The following NKIRAS1 variants were observed in gnomAD, a reference collection of about 807,000 sequenced individuals.
The protein encoded by NKIRAS1 is NFKB inhibitor interacting Ras like 1.
In NKIRAS1, 16 loss-of-function variants were observed where a neutral mutation model predicts 19.8. The ratio of observed to expected loss-of-function variants is 0.81; its 90% confidence interval spans 0.55 to 1.23. The LOEUF is 1.23. Among genes scored for constraint, NKIRAS1 ranks in the 50% most tolerant of loss-of-function variants. The pLI, the probability that NKIRAS1 is intolerant of heterozygous loss-of-function variation, is 0.00. For synonymous variants in NKIRAS1, 88 were observed against 79.0 expected (o/e 1.11, Z -0.61); for missense variants, 184 against 220.0 (o/e 0.84, Z 1.04).
At chr3:23,907,439 G>A (rs1703186742) in intron 3 of NKIRAS1, among the ~76,000 whole-genome samples, 1 of 152,196 alleles carries the variant, frequency 6.6e-6, no homozygotes. Context: ...CAATTGTACT[G>A]TATTTATATA....
intron 1 of NKIRAS1, among the ~76,000 whole-genome samples, chr3:23,928,361 T>G (rs1705246390): frequency 6.6e-6 from 1 of 151,912 alleles, no homozygotes; most frequent in African/African-American, 2.4e-5. Context: ...CCATTAGTGC[T>G]TAGTAACTCT....
chr3:23,918,595 C>T (rs1220185825), upstream of NKIRAS1: 7 of 1,611,454 alleles, frequency 4.3e-6, no homozygotes, highest in Non-Finnish European at 5.9e-6. Context: ...TTTTGAGTAG[C>T]AGTTATATTG....
chr3:23,920,719 A>G, upstream of NKIRAS1: 1 of 982,400 alleles, frequency 1.0e-6, no homozygotes, highest in Non-Finnish European at 1.2e-6. Flanking sequence ...GGAAGTACTC[A>G]TAGCAAGTTC....
At chr3:23,906,547 T>C (rs995819058) in intron 3 of NKIRAS1, among the ~76,000 whole-genome samples, 2 of 152,098 alleles carry the variant, frequency 1.3e-5, no homozygotes, top group African/African-American at 2.4e-5. Context: ...CCCTCCTCCT[T>C]CTCCTCAGTC....
intron 1 of NKIRAS1, chr3:23,946,284 C>G: frequency 3.0e-6 from 3 of 985,522 alleles, no homozygotes; most frequent in Non-Finnish European, 3.6e-6. Flanking sequence ...CCGCGCAAAC[C>G]AAACGAACCG....
chr3:23,892,306 T>C lies in NKIRAS1; in HGVS notation c.*789A>G, dbSNP rs528106301. On this transcript the variant is annotated 3_prime_UTR_variant, in exon 5 of 5. Transcript: ENST00000425478. ...CCCAATATTTTTGATACTTTTATTG[T>C]ATATGACTAGTTTTCTAGAAAACTA... 2 of 152,196 alleles carry C rather than the reference T, an allele frequency of 1.3e-5. No individual in the cohort carries two copies. The highest frequency in any genetic ancestry group is 2.9e-5 in the Non-Finnish European group (2 of 68,038). 9.4% of individuals were successfully genotyped at this position (152,196 alleles called of 1,614,324 possible).
At chr3:23,895,058 T>TTAAAGAGAC (rs1156472745) in intron 4 of NKIRAS1, among the ~76,000 whole-genome samples, 1 of 152,212 alleles carries the variant, frequency 6.6e-6, no homozygotes, top group Non-Finnish European at 1.5e-5. Flanking sequence ...TTTGTTTTTT[T>TTAAAGAGAC]TAAAGAGACA....
At chr3:23,904,365 G>A (rs1377890798) in intron 3 of NKIRAS1, among the ~76,000 whole-genome samples, 1 of 152,158 alleles carries the variant, frequency 6.6e-6, no homozygotes, top group Non-Finnish European at 1.5e-5. Context: ...CCTACTGCAA[G>A]ATGGAGCCTT....
At position 23,944,085 on chromosome 3, in the gene NKIRAS1, G is replaced by T. The variant is rs563740883; in HGVS notation, c.-140+2238C>A. On this transcript the variant is annotated intron_variant, in intron 1 of 4. Coordinates refer to the NKIRAS1 transcript ENST00000421515. Reference sequence around the variant, plus strand: ...AATGGTTTGCTCTAGCAATACCAACGGTGAGAAACAGGGATTGAACATATT... The same window carrying T: ...AATGGTTTGCTCTAGCAATACCAACTGTGAGAAACAGGGATTGAACATATT... Among the ~76,000 whole-genome samples, 94 of 152,290 alleles carry T rather than the reference G, an allele frequency of 6.2e-4. 1 individual carries two copies. The highest frequency in any genetic ancestry group is 2.2e-3 in the African/African-American group (92 of 41,552).
chr3:23,937,365 A>G (rs996085372), intron 1 of NKIRAS1, among the ~76,000 whole-genome samples: 1 of 152,120 alleles, frequency 6.6e-6, no homozygotes, highest in Non-Finnish European at 1.5e-5. Flanking sequence ...AAAGAAAAAG[A>G]AAAGAAAACT....
At chr3:23,916,168 G>A (rs553287400) in intron 1 of NKIRAS1, 13 of 152,242 alleles carry the variant, frequency 8.5e-5, no homozygotes, top group African/African-American at 2.6e-4. Context: ...AAACCGCTAC[G>A]ATTAAGAGAT....
chr3:23,899,280 A>G (rs1388822857), intron 4 of NKIRAS1, among the ~76,000 whole-genome samples: 1 of 152,204 alleles, frequency 6.6e-6, no homozygotes, highest in Non-Finnish European at 1.5e-5. Context: ...TACGGTGGTT[A>G]TGATGTACTA....
chr3:23,931,733 AGAG>A (rs370462864), intron 1 of NKIRAS1, among the ~76,000 whole-genome samples: 95,056 of 150,866 alleles, frequency 0.63, 30,150 homozygotes, highest in Middle Eastern at 0.73. Context: ...AGAGAGAGAG[AGAG>A]AAAGAAAGGT....
chr3:23,918,749 C>T (rs1236182029), upstream of NKIRAS1: 6 of 765,806 alleles, frequency 7.8e-6, no homozygotes, highest in Non-Finnish European at 1.2e-5. Context: ...GTCTTTGTTA[C>T]AAATGCGTGT....
chr3:23,909,326 A>C (rs1703406181), intron 3 of NKIRAS1, among the ~76,000 whole-genome samples: 1 of 152,178 alleles, frequency 6.6e-6, no homozygotes, highest in South Asian at 2.1e-4. Flanking sequence ...GTTCGAGACC[A>C]GCCTGGCCAA....
At chr3:23,903,158 G>C (rs1018382719) in intron 3 of NKIRAS1, among the ~76,000 whole-genome samples, 1 of 151,978 alleles carries the variant, frequency 6.6e-6, no homozygotes, top group Non-Finnish European at 1.5e-5. Flanking sequence ...TTGTCATCTG[G>C]GCTGAAGTTC....
At chr3:23,937,497 AATAT>A (rs1375192280) in intron 1 of NKIRAS1, among the ~76,000 whole-genome samples, 1 of 152,056 alleles carries the variant, frequency 6.6e-6, no homozygotes, top group Non-Finnish European at 1.5e-5. Flanking sequence ...GTGAGTCAGC[AATAT>A]ATATTGTTCC....
At chr3:23,938,656 G>T (rs1705439996) in intron 1 of NKIRAS1, among the ~76,000 whole-genome samples, 1 of 152,194 alleles carries the variant, frequency 6.6e-6, no homozygotes, top group African/African-American at 2.4e-5. Flanking sequence ...TGACCTTGAT[G>T]CTCCTGTTAT....
intron 3 of NKIRAS1, among the ~76,000 whole-genome samples, chr3:23,909,552 T>C (rs1237689936): frequency 6.6e-6 from 1 of 152,072 alleles, no homozygotes; most frequent in African/African-American, 2.4e-5. Flanking sequence ...TGCTTTAAGT[T>C]ACTTGCCAGA....
Sources: gnomAD v4.1 joint callset for allele counts (sites outside exome capture counted in the v4.1 genomes callset) on GRCh38, gnomAD v4.1.1 for gene constraint, MANE v1.5 for transcripts, NCBI Gene and HGNC (gene_info 2026-07-23, HGNC 2026-07-21) for gene names.